Variants in CFAP20DC observed in about 807,000 individuals in gnomAD.
The protein encoded by CFAP20DC is protein CFAP20DC.
In CFAP20DC, 84 loss-of-function variants were observed where a neutral mutation model predicts 101.7. The observed-to-expected ratio is 0.83, with a 90% confidence interval of 0.69 to 0.99. The LOEUF (loss-of-function observed/expected upper bound fraction) is 0.99. Ranked by LOEUF, CFAP20DC falls within the 50% of genes least tolerant of loss-of-function variation. The pLI, the probability that CFAP20DC is intolerant of heterozygous loss-of-function variation, is 0.00. For synonymous variants in CFAP20DC, 359 were observed against 351.2 expected (o/e 1.02, Z -0.25); for missense variants, 1,007 against 970.3 (o/e 1.04, Z -0.50).
chr3:58,989,656 TAAAC>T (rs2092870802), intron 4 of CFAP20DC, among the ~76,000 whole-genome samples: 2 of 152,176 alleles, frequency 1.3e-5, no homozygotes, highest in Non-Finnish European at 2.9e-5. Flanking sequence ...TTAGATAAAA[TAAAC>T]AGAGGCTCAG....
chr3:58,995,161 AT>A (rs1279602668), intron 4 of CFAP20DC, among the ~76,000 whole-genome samples: 1 of 152,146 alleles, frequency 6.6e-6, no homozygotes, highest in African/African-American at 2.4e-5. Context: ...TTATGATGTC[AT>A]TTTGATAAAG....
intron 14 of CFAP20DC, among the ~76,000 whole-genome samples, chr3:58,809,113 A>C (rs1464752525): frequency 1.3e-5 from 2 of 152,122 alleles, no homozygotes; most frequent in Non-Finnish European, 2.9e-5. Context: ...CACAATAATA[A>C]TGGGAGACTT....
At position 58,788,072 on chromosome 3, in the gene CFAP20DC, C is replaced by T. The variant is rs1161285963; in HGVS notation, c.2237+18323G>A. 6.6e-6 allele frequency among the ~76,000 whole-genome samples: 1 copy of T among 151,490 alleles called. No individual in the cohort carries two copies. The highest frequency in any genetic ancestry group is 2.4e-5 in the African/African-American group (1 of 41,142). ...TGATAGGTGCAGCAAACCACCATGG[C>T]ATGTGTATACCTATACATATATAAC... On this transcript the variant is annotated intron_variant, in intron 15 of 16. Transcript: ENST00000482387. The surrounding 1 kb of genome is among the most constrained non-coding windows in gnomAD (Gnocchi z 4.2).
chr3:58,814,780 C>T (rs1434452624), intron 14 of CFAP20DC, among the ~76,000 whole-genome samples: 6 of 150,940 alleles, frequency 4.0e-5, no homozygotes, highest in Non-Finnish European at 8.8e-5. Context: ...GAAGAAAATA[C>T]CTAGGAATCC....
At chr3:58,937,845 T>C in intron 4 of CFAP20DC, 83 bp from the exon 5 acceptor site, 1 of 783,288 alleles carries the variant, frequency 1.3e-6, no homozygotes, top group South Asian at 1.6e-5. Context: ...AATGATATAA[T>C]TTATCATACA....
At chr3:58,753,896 G>A (rs1231506591) in intron 15 of CFAP20DC, 33 bp from the exon 16 acceptor site, 3 of 1,422,010 alleles carry the variant, frequency 2.1e-6, no homozygotes, top group African/African-American at 2.8e-5. Context: ...GAGCATGTCT[G>A]GAATTCCATA....
chr3:58,890,312 A>AC (rs1180183329), intron 6 of CFAP20DC, among the ~76,000 whole-genome samples: 4 of 125,472 alleles, frequency 3.2e-5, no homozygotes, highest in Non-Finnish European at 5.1e-5. Flanking sequence ...CGGGGGGCTG[A>AC]CCCCCCCACC....
Position 58,824,147 on chromosome 3 carries a change from C to G in CFAP20DC, c.2175+7539G>C, listed in dbSNP as rs534317391. On this transcript the variant is annotated intron_variant, in intron 14 of 16. Transcript: ENST00000482387. ...ATCTGCTCATATGATTTATCTGCAG[C>G]TTAGCACAATCAACTGCATACCTTT... is the stretch of plus-strand genomic sequence containing the variant. Among the ~76,000 whole-genome samples the G allele has an allele frequency of 2.6e-5, 4 of 152,230 alleles. No individual in the cohort carries two copies. In the South Asian group the frequency reaches 8.3e-4, roughly 32 times the overall value.
chr3:58,935,085 C>T lies in CFAP20DC; in HGVS notation c.393+2563G>A, dbSNP rs572583505. ...GCAACTTCAGCAAAGTCTCAGGATACAAAATCAATGTGCAAAAATCACAAG... is the reference window on the plus strand; with the variant it reads ...GCAACTTCAGCAAAGTCTCAGGATATAAAATCAATGTGCAAAAATCACAAG... On this transcript the variant is annotated intron_variant, in intron 5 of 16. Transcript: ENST00000482387. 4.1e-4 allele frequency among the ~76,000 whole-genome samples: 63 copies of T among 152,284 alleles called. 2 individuals carry two copies. The South Asian group carries it at 8.5e-3, about 21-fold the overall frequency.
intron 13 of CFAP20DC, among the ~76,000 whole-genome samples, chr3:58,832,755 T>A (rs756696187): frequency 1.3e-5 from 2 of 152,202 alleles, no homozygotes; most frequent in African/African-American, 2.4e-5. Context: ...GTATAAATAT[T>A]ATTTCATGGT....
intron 12 of CFAP20DC, among the ~76,000 whole-genome samples, chr3:58,853,602 C>T (rs1282262367): frequency 5.3e-5 from 8 of 151,904 alleles, no homozygotes; most frequent in African/African-American, 1.7e-4. Flanking sequence ...ACTGGCAAAC[C>T]GAATCCAGCA....
chr3:58,993,749 A>C (rs2093017024), intron 4 of CFAP20DC, among the ~76,000 whole-genome samples: 1 of 152,168 alleles, frequency 6.6e-6, no homozygotes, highest in African/African-American at 2.4e-5. Flanking sequence ...GTGTCCCTGG[A>C]AAGGATATGA....
intron 16 of CFAP20DC, 48 bp from the exon 17 acceptor site, chr3:58,742,620 G>C: frequency 7.0e-7 from 1 of 1,435,734 alleles, no homozygotes; most frequent in Non-Finnish European, 9.6e-7. Flanking sequence ...GCTTGGCCCG[G>C]AATCCCCAAA....
intron 6 of CFAP20DC, among the ~76,000 whole-genome samples, chr3:58,905,748 T>C (rs544598394): frequency 1.8e-4 from 27 of 152,290 alleles, no homozygotes; most frequent in East Asian, 7.7e-4. Context: ...ATTTAAGAAA[T>C]AGGTTAAAAA....
At chr3:58,925,738 T>C (rs1354060862) in intron 5 of CFAP20DC, among the ~76,000 whole-genome samples, 2 of 152,186 alleles carry the variant, frequency 1.3e-5, no homozygotes, top group South Asian at 2.1e-4. Flanking sequence ...TGTCTAACTG[T>C]TGAGGAAACT....
rs2067485336 is a variant in CFAP20DC, at chr3:58,722,381, G to A, written c.198-4753C>T. Among the ~76,000 whole-genome samples, 1 of 152,174 alleles carries A rather than the reference G, an allele frequency of 6.6e-6. No homozygotes were observed. Among genetic ancestry groups the A allele is most frequent in the African/African-American group, 2.4e-5 (1 of 41,440 alleles). On this transcript the variant is annotated intron_variant, in intron 3 of 3. Coordinates refer to the CFAP20DC transcript ENST00000486145. This position sits in a 1 kb window ranked among gnomAD's most constrained non-coding sequence, Gnocchi z 4.5. The stretch of plus-strand genomic sequence containing the variant: ...ACTCAAGTTTGGGGTGGTTTGTTGT[G>A]CAGTGAGAGGTAACTGGGACGCATG...
At position 58,927,337 on chromosome 3, in the gene CFAP20DC, A is replaced by T. The variant is rs559518390; in HGVS notation, c.393+10311T>A. On this transcript the variant is annotated intron_variant, in intron 5 of 16. Coordinates refer to ENST00000482387, the MANE Select transcript of CFAP20DC (RefSeq NM_001394063.1). The stretch of plus-strand genomic sequence containing the variant: ...CTAAAAAACCAAGGCAAAGTGGACC[A>T]TTCGGCAATTATCCTGTAAATCAAG... 1.5e-4 allele frequency among the ~76,000 whole-genome samples: 23 copies of T among 152,342 alleles called. No homozygotes were observed. The East Asian group carries it at 3.9e-3, about 26-fold the overall frequency.
chr3:58,905,233 C>T (rs187008413), intron 6 of CFAP20DC, among the ~76,000 whole-genome samples: 1 of 152,142 alleles, frequency 6.6e-6, no homozygotes, highest in African/African-American at 2.4e-5. Context: ...CTTCTCTCTT[C>T]TCATTTCTCT....
At chr3:59,040,162 T>C (rs1024237273) in intron 3 of CFAP20DC, among the ~76,000 whole-genome samples, 2 of 152,078 alleles carry the variant, frequency 1.3e-5, no homozygotes, top group Non-Finnish European at 2.9e-5. Flanking sequence ...ATGAGATGAA[T>C]AGAGGATCAT....
Sources: gnomAD v4.1 joint callset for allele counts (sites outside exome capture counted in the v4.1 genomes callset) on GRCh38, gnomAD v4.1.1 for gene constraint, Gnocchi (gnomAD v3.1) non-coding constraint, MANE v1.5 for transcripts, NCBI Gene and HGNC (gene_info 2026-07-23, HGNC 2026-07-21) for gene names.